EPHA6: variants seen among roughly 807,000 people sequenced by gnomAD.
EPHA6 encodes EPH receptor A6.
A neutral mutation model predicts 112.0 loss-of-function variants in EPHA6; 50 were observed. The ratio of observed to expected loss-of-function variants is 0.45; its 90% CI spans 0.36 to 0.56. The LOEUF is 0.56. Ranked by LOEUF, EPHA6 falls within the 20% of genes least tolerant of loss-of-function variation. The pLI, the probability that EPHA6 is intolerant of heterozygous loss-of-function variation, is 0.00. For synonymous variants in EPHA6, 529 were observed against 490.7 expected (o/e 1.08, Z -1.03); for missense variants, 1,280 against 1,417.4 (o/e 0.90, Z 1.56).
At chr3:97,277,238 G>A (rs775211491) in intron 5 of EPHA6, among the ~76,000 whole-genome samples, 2 of 152,118 alleles carry the variant, frequency 1.3e-5, no homozygotes, top group Non-Finnish European at 2.9e-5. Context: ...AGTCAGCGAA[G>A]GGAGATAGGG....
rs2039612228 is a variant in EPHA6 at position 96,918,762 on chromosome 3, C to T, written c.450+51873C>T. On this transcript the variant is annotated intron_variant, in intron 2 of 17. Transcript: ENST00000389672. ...ATGCTTGAGGTATGTGCTAGAAACT[C>T]TTTGCAAAGGGATTTTGATACACAG... is the stretch of plus-strand genomic sequence containing the variant. Among the ~76,000 whole-genome samples the T allele has an allele frequency of 2.0e-5, 3 of 151,800 alleles. No individual in the cohort carries two copies. In the South Asian group the frequency reaches 6.2e-4, roughly 31 times the overall value.
intron 12 of EPHA6, 140 bp downstream of exon 12, chr3:97,592,877 AC>A: frequency 9.6e-7 from 1 of 1,045,764 alleles, no homozygotes; most frequent in East Asian, 3.0e-5. Context: ...AAATTCAGAA[AC>A]CATATTTATA....
chr3:97,502,709 C>CT (rs2092152067), intron 10 of EPHA6, among the ~76,000 whole-genome samples: 1 of 151,168 alleles, frequency 6.6e-6, no homozygotes, highest in Non-Finnish European at 1.5e-5. Context: ...TGGCATGCAC[C>CT]TGTAGTCCCA....
chr3:97,175,988 A>G (rs1021304087), intron 3 of EPHA6, among the ~76,000 whole-genome samples: 2 of 151,882 alleles, frequency 1.3e-5, no homozygotes, highest in Admixed American at 6.6e-5. Context: ...TCAAGATCTT[A>G]GAGGAGAGGA....
At chr3:97,039,131 A>G (rs2045220685) in intron 3 of EPHA6, among the ~76,000 whole-genome samples, 1 of 152,144 alleles carries the variant, frequency 6.6e-6, no homozygotes, top group Admixed American at 6.6e-5. Context: ...AACATAGACA[A>G]AATATGGCAA....
intron 3 of EPHA6, among the ~76,000 whole-genome samples, chr3:97,037,159 A>C (rs2045131362): frequency 6.6e-6 from 1 of 152,104 alleles, no homozygotes; most frequent in Non-Finnish European, 1.5e-5. Flanking sequence ...TATCTATGCT[A>C]TTTGCTAAGA....
intron 5 of EPHA6, among the ~76,000 whole-genome samples, chr3:97,347,791 A>G (rs947533014): frequency 2.6e-5 from 4 of 152,088 alleles, no homozygotes; most frequent in African/African-American, 9.7e-5. Context: ...GACTCTTTCC[A>G]TAAACTTCAG....
intron 10 of EPHA6, among the ~76,000 whole-genome samples, chr3:97,512,482 A>G (rs1394969489): frequency 6.6e-6 from 1 of 152,134 alleles, no homozygotes. Context: ...ATTTTTTTAA[A>G]GCATTTTGAA....
chr3:96,986,396 T>A (rs999183621), intron 2 of EPHA6, among the ~76,000 whole-genome samples: 1 of 152,182 alleles, frequency 6.6e-6, no homozygotes, highest in African/African-American at 2.4e-5. Flanking sequence ...TCTGACTGTC[T>A]GTTCTTATTA....
At position 97,693,679 on chromosome 3, in the gene EPHA6, G is replaced by A. The variant is rs187401836; in HGVS notation, c.2785-26582G>A. Among the ~76,000 whole-genome samples, 444 of 152,182 alleles carry A rather than the reference G, an allele frequency of 2.9e-3. 2 individuals are homozygous for A. The highest frequency in any genetic ancestry group is 9.3e-3 in the African/African-American group (385 of 41,530). Reference sequence around the variant, plus strand: ...AAAAATTAGCCGGGCATGGTGGCGGGCGCCTGTAGTCCCAGCTACTCGGGA... The same window carrying A: ...AAAAATTAGCCGGGCATGGTGGCGGACGCCTGTAGTCCCAGCTACTCGGGA... On this transcript the variant is annotated intron_variant, in intron 14 of 17. Coordinates refer to ENST00000389672, the MANE Select transcript of EPHA6 (RefSeq NM_001080448.3).
chr3:97,006,114 G>A (rs1173662031), intron 3 of EPHA6, among the ~76,000 whole-genome samples: 1 of 152,148 alleles, frequency 6.6e-6, no homozygotes, highest in African/African-American at 2.4e-5. Flanking sequence ...TTTGGTATCA[G>A]GATGATGTTG....
At position 97,244,044 on chromosome 3, in the gene EPHA6, A is replaced by G; in HGVS notation, c.1363A>G (p.Lys455Glu). 1 of 1,612,818 alleles carries G rather than the reference A, an allele frequency of 6.2e-7. No individual in the cohort carries two copies. The highest frequency in any genetic ancestry group is 1.1e-5 in the South Asian group (1 of 91,046). The change falls in exon 5 of 18, where the codon AAA (lysine) becomes GAA (glutamate). Residue 455 changes from lysine to glutamate, a missense_variant. Physicochemically the swap from Lys to Glu is moderately conservative, Grantham distance 56. This residue lies in a region of EPHA6 where 878 missense variants were observed against 999.7 expected (regional missense o/e 0.88). Coordinates refer to ENST00000389672, the MANE Select transcript of EPHA6 (RefSeq NM_001080448.3). ...WSPPSDTGGR[K>E]DLTYSVICKK... ...CCCACCAAGTGACACAGGAGGGAGA[A>G]AAGATCTCACATACAGTGTAATCTG...
chr3:97,208,494 C>T (rs978045980), intron 3 of EPHA6, among the ~76,000 whole-genome samples: 1 of 152,132 alleles, frequency 6.6e-6, no homozygotes, highest in African/African-American at 2.4e-5. Context: ...GCCTGTAATC[C>T]TAGCACTTTG....
At chr3:97,675,533 T>A (rs1005343774) in intron 14 of EPHA6, among the ~76,000 whole-genome samples, 1 of 152,056 alleles carries the variant, frequency 6.6e-6, no homozygotes, top group Admixed American at 6.6e-5. Flanking sequence ...TCCCAAAGAA[T>A]CTACATAATA....
At chr3:97,543,423 C>A (rs548413767) in intron 11 of EPHA6, among the ~76,000 whole-genome samples, 1,591 of 152,248 alleles carry the variant, frequency 0.01, 29 homozygotes, top group African/African-American at 0.036. Context: ...AGCATTATTT[C>A]TGAGGGCTCT....
At chr3:97,739,102 C>T (rs1313800952) in intron 16 of EPHA6, among the ~76,000 whole-genome samples, 1 of 152,044 alleles carries the variant, frequency 6.6e-6, no homozygotes, top group Non-Finnish European at 1.5e-5. Flanking sequence ...TGTGACACTG[C>T]TTCTCTATCT....
chr3:96,955,551 TC>T, intron 2 of EPHA6, among the ~76,000 whole-genome samples: 1 of 152,320 alleles, frequency 6.6e-6, no homozygotes, highest in East Asian at 1.9e-4. Context: ...CTTAGTGTTT[TC>T]TTAATTCATT....
At chr3:97,293,444 G>A (rs11915608) in intron 5 of EPHA6, among the ~76,000 whole-genome samples, 3,268 of 152,048 alleles carry the variant, frequency 0.021, 88 homozygotes, top group African/African-American at 0.067. Context: ...TCATCCCAGT[G>A]AGCGTCCAGC....
At chr3:97,104,826 TA>T (rs1335598695) in intron 3 of EPHA6, among the ~76,000 whole-genome samples, 1 of 152,118 alleles carries the variant, frequency 6.6e-6, no homozygotes, top group East Asian at 1.9e-4. Flanking sequence ...AGAGATCTGT[TA>T]TTGATCTGTT....
Sources: allele counts gnomAD v4.1 joint callset (sites outside exome capture counted in the v4.1 genomes callset), GRCh38; gene constraint gnomAD v4.1.1; regional missense constraint gnomAD v4.1.1; transcripts MANE v1.5; gene names NCBI Gene and HGNC (gene_info 2026-07-23, HGNC 2026-07-21).